SP140: variants seen among roughly 807,000 people sequenced by gnomAD.
SP140 encodes the protein nuclear body protein SP140.
A neutral mutation model predicts 125.0 loss-of-function variants in SP140; 81 were observed. The observed-to-expected ratio is 0.65, with a 90% CI of 0.54 to 0.78. SP140 has a LOEUF of 0.78. Ranked by LOEUF, SP140 falls within the 30% of genes least tolerant of loss-of-function variation. The probability of loss-of-function intolerance (pLI) is 0.00; values close to 1 mark genes in which losing one functional copy is unlikely to be tolerated. For synonymous variants in SP140, 312 were observed against 354.0 expected (o/e 0.88, Z 1.33); for missense variants, 858 against 1,037.0 (o/e 0.83, Z 2.37).
At chr2:230,223,370 G>A (rs2045981110), upstream of SP140, among the ~76,000 whole-genome samples, 1 of 152,118 alleles carries the variant, frequency 6.6e-6, no homozygotes. Context: ...AGGTGATCCA[G>A]ATATCTTTCA....
intron 11 of SP140, among the ~76,000 whole-genome samples, chr2:230,254,255 G>A (rs1379897063): frequency 6.6e-6 from 1 of 152,200 alleles, no homozygotes; most frequent in Non-Finnish European, 1.5e-5. Flanking sequence ...TTGAGGGCCT[G>A]TAGAGCTGAA....
At chr2:230,264,377 T>C (rs2052731717) in intron 12 of SP140, among the ~76,000 whole-genome samples, 1 of 152,220 alleles carries the variant, frequency 6.6e-6, no homozygotes, top group Admixed American at 6.5e-5. Flanking sequence ...CCTTCACTTC[T>C]TGTATCATAT....
chr2:230,287,388 A>C (rs906945029), intron 17 of SP140, among the ~76,000 whole-genome samples: 26 of 152,168 alleles, frequency 1.7e-4, no homozygotes, highest in Admixed American at 1.6e-3. Flanking sequence ...CAGAACTGTC[A>C]TTTATTTGTG....
At chr2:230,281,888 T>G (rs1029157163) in intron 15 of SP140, among the ~76,000 whole-genome samples, 3 of 152,194 alleles carry the variant, frequency 2.0e-5, no homozygotes, top group Non-Finnish European at 2.9e-5. Context: ...CTTCCTGTTT[T>G]TTCGTATCTC....
chr2:230,283,602 G>T (rs916802766), intron 15 of SP140, among the ~76,000 whole-genome samples: 1 of 152,324 alleles, frequency 6.6e-6, no homozygotes, highest in South Asian at 2.1e-4. Context: ...CCAGGAAGGA[G>T]ATGATCCCTT....
chr2:230,215,409 G>A (rs1458886838), intron 3 of SP140, among the ~76,000 whole-genome samples: 2 of 152,204 alleles, frequency 1.3e-5, no homozygotes, highest in Admixed American at 6.5e-5. Flanking sequence ...AGAGAAATTT[G>A]AAGGAAGGAA....
upstream of SP140, among the ~76,000 whole-genome samples, chr2:230,199,154 T>C (rs200418631): frequency 9.0e-6 from 1 of 111,616 alleles, no homozygotes; most frequent in Non-Finnish European, 1.8e-5. Flanking sequence ...TATTATTTTT[T>C]TTTTTTTTTA....
At chr2:230,199,131 T>C (rs936809649), upstream of SP140, among the ~76,000 whole-genome samples, 39 of 131,128 alleles carry the variant, frequency 3.0e-4, no homozygotes, top group African/African-American at 6.9e-4. Flanking sequence ...TTAGCTACTA[T>C]TATTATTATT....
chr2:230,299,586 T>C (rs2058096297), intron 22 of SP140, among the ~76,000 whole-genome samples: 1 of 152,168 alleles, frequency 6.6e-6, no homozygotes, highest in South Asian at 2.1e-4. Context: ...AGCACAAATT[T>C]TCCTGGTCAG....
chr2:230,250,672 C>T (rs913311887), intron 9 of SP140, among the ~76,000 whole-genome samples: 1 of 152,136 alleles, frequency 6.6e-6, no homozygotes, highest in Non-Finnish European at 1.5e-5. Flanking sequence ...CAAAGAGAAG[C>T]ACCTGGAGCC....
intron 3 of SP140, chr2:230,214,849 G>A (rs1200772887): frequency 1.0e-6 from 1 of 957,334 alleles, no homozygotes; most frequent in Non-Finnish European, 1.7e-6. Flanking sequence ...CCAGAGAGAA[G>A]GCGGGGGATT....
At chr2:230,276,889 A>G (rs1440112232) in intron 15 of SP140, among the ~76,000 whole-genome samples, 1 of 152,192 alleles carries the variant, frequency 6.6e-6, no homozygotes, top group African/African-American at 2.4e-5. Flanking sequence ...CAAGTGTGGC[A>G]GAAATAGCCA....
rs2049374982 is a variant in SP140, at chr2:230,245,904, G to A, written c.706G>A (p.Glu236Lys). Residue 236 changes from glutamate to lysine, a missense_variant, in exon 7 of 27, where the codon GAA becomes AAA. Glu to Lys is a moderately conservative substitution (Grantham distance 56). Transcript: ENST00000392045. The part of the protein sequence containing the change: ...LAIQIDEGES[E>K]EMPKLLPYDT... ...TATACAAATAGATGAAGGAGAATCAGAAGAAATGCCCAAGTTACTGCCTTA... is the reference window on the plus strand; with the variant it reads ...TATACAAATAGATGAAGGAGAATCAAAAGAAATGCCCAAGTTACTGCCTTA... The A allele has an allele frequency of 6.2e-7, 1 of 1,606,804 alleles. No homozygotes were observed. The highest frequency in any genetic ancestry group is 1.3e-5 in the African/African-American group (1 of 74,802).
At chr2:230,253,044 T>G in intron 10 of SP140, among the ~76,000 whole-genome samples, 1 of 151,200 alleles carries the variant, frequency 6.6e-6, no homozygotes, top group African/African-American at 2.4e-5. Context: ...AGATACAATA[T>G]CACTAAAAAA....
In SP140 at chr2:230,251,073, G is replaced by A; in HGVS notation, c.1057+12G>A. Reference sequence around the variant, plus strand: ...AAGATGTGGGTCAGGTAAAGAAGGGGAGGATTTCTGGCCCTGGGCTGCAGA... The same window carrying A: ...AAGATGTGGGTCAGGTAAAGAAGGGAAGGATTTCTGGCCCTGGGCTGCAGA... On this transcript the variant is annotated intron_variant, in intron 10 of 26. Coordinates refer to ENST00000392045, the MANE Select transcript of SP140 (RefSeq NM_007237.5). The A allele has an allele frequency of 6.2e-7, 1 of 1,609,828 alleles. No individual in the cohort carries two copies. The highest frequency in any genetic ancestry group is 8.5e-7 in the Non-Finnish European group (1 of 1,177,386).
chr2:230,216,770 A>G, intron 3 of SP140: 1 of 1,613,756 alleles, frequency 6.2e-7, no homozygotes, highest in Non-Finnish European at 8.5e-7. Flanking sequence ...GAAGGGTTCA[A>G]CATGACTCAC....
chr2:230,258,280 G>A (rs1027357425), intron 12 of SP140, among the ~76,000 whole-genome samples: 1 of 152,162 alleles, frequency 6.6e-6, no homozygotes, highest in African/African-American at 2.4e-5. Flanking sequence ...CCTTCACTGA[G>A]TAGGAGTTAT....
chr2:230,279,771 A>G (rs896713861), intron 15 of SP140, among the ~76,000 whole-genome samples: 6 of 152,078 alleles, frequency 3.9e-5, no homozygotes, highest in African/African-American at 1.4e-4. Flanking sequence ...GGTTCTCGAC[A>G]ACAGCTGATC....
At chr2:230,258,808 A>G (rs1263761096) in intron 12 of SP140, among the ~76,000 whole-genome samples, 1 of 152,192 alleles carries the variant, frequency 6.6e-6, no homozygotes, top group African/African-American at 2.4e-5. Context: ...AACAGTTTAT[A>G]TATTTTATTT....
Sources: allele counts gnomAD v4.1 joint callset (sites outside exome capture counted in the v4.1 genomes callset), GRCh38; gene constraint gnomAD v4.1.1; transcripts MANE v1.5; gene names NCBI Gene and HGNC (gene_info 2026-07-23, HGNC 2026-07-21).